TGFBR3: variants seen among roughly 807,000 people sequenced by gnomAD.
TGFBR3 encodes the protein transforming growth factor beta receptor 3.
TGFBR3 carries 46 observed loss-of-function variants against 87.9 expected under a neutral mutation model. The observed-to-expected ratio is 0.52, with a 90% CI of 0.41 to 0.67. The LOEUF (loss-of-function observed/expected upper bound fraction) is 0.67. TGFBR3 is among the 30% of genes least tolerant of loss of function. TGFBR3 has a pLI of 0.00. For synonymous variants in TGFBR3, 381 were observed against 391.6 expected, an observed-to-expected ratio of 0.97 and a Z score of 0.32; for missense variants, 866 against 1,041.9, an observed-to-expected ratio of 0.83 and a Z score of 2.32.
intron 10 of TGFBR3, 143 bp downstream of exon 10, chr1:91,719,169 T>C: frequency 9.1e-7 from 1 of 1,094,898 alleles, no homozygotes; most frequent in Non-Finnish European, 1.4e-6. Flanking sequence ...AGTACATCCA[T>C]TTTGTTGAGA....
intron 2 of TGFBR3, among the ~76,000 whole-genome samples, chr1:91,838,362 CTG>C (rs1182215609): frequency 2.0e-5 from 3 of 152,028 alleles, no homozygotes; most frequent in African/African-American, 7.2e-5. Flanking sequence ...CTATAATAAA[CTG>C]TAACATAAAC....
At chr1:91,693,017 G>C (rs1671318230) in intron 16 of TGFBR3, among the ~76,000 whole-genome samples, 1 of 152,190 alleles carries the variant, frequency 6.6e-6, no homozygotes. Flanking sequence ...GACTGAGTCA[G>C]TATTTGTATC....
At chr1:91,721,831 G>C in intron 8 of TGFBR3, 124 bp downstream of exon 8, 1 of 875,274 alleles carries the variant, frequency 1.1e-6, no homozygotes, top group Non-Finnish European at 1.7e-6. Context: ...CTGATAAAAA[G>C]TAGTCAAATT....
At chr1:91,875,801 A>G (rs1010045356) in intron 1 of TGFBR3, among the ~76,000 whole-genome samples, 197 of 5,780 alleles carry the variant, frequency 0.034, no homozygotes, top group Non-Finnish European at 0.051. Context: ...GGGGGGTGGG[A>G]GTGTGCAGCT....
intron 14 of TGFBR3, among the ~76,000 whole-genome samples, chr1:91,705,597 A>T (rs1362791460): frequency 6.6e-6 from 1 of 152,182 alleles, no homozygotes; most frequent in African/African-American, 2.4e-5. Context: ...AGTGGTCTGC[A>T]TTGAGGATAA....
intron 1 of TGFBR3, among the ~76,000 whole-genome samples, chr1:91,905,126 T>C (rs1004231599): frequency 3.9e-5 from 6 of 152,210 alleles, no homozygotes; most frequent in African/African-American, 1.4e-4. Context: ...TTGTAGCTAT[T>C]ATTAGTACAG....
intron 2 of TGFBR3, among the ~76,000 whole-genome samples, chr1:91,848,840 A>G (rs181636072): frequency 6.6e-6 from 1 of 152,336 alleles, no homozygotes; most frequent in African/African-American, 2.4e-5. Context: ...GGTTTAGGCT[A>G]TTAAGACGAT....
chr1:91,680,579 T>G lies in TGFBR3; in HGVS notation c.*3160A>C. On this transcript the variant is annotated 3_prime_UTR_variant, in exon 17 of 17. Transcript: ENST00000212355. ...TTCAGGAAAAACCAGAAGAGAGAAG[T>G]ATTGTATTTGGAAACTGATAATAGT... The G allele has an allele frequency of 2.2e-6, 1 of 453,880 alleles. No individual in the cohort carries two copies. The highest frequency in any genetic ancestry group is 4.4e-6 in the Non-Finnish European group (1 of 226,756). The allele number at this position is 453,880 out of a possible 1,614,324, so 28.1% of individuals were successfully genotyped here. A position where few individuals can be genotyped will look rare whatever the true frequency, so the allele number is the denominator to read the frequency against.
chr1:91,750,758 G>A (rs1673510965), intron 4 of TGFBR3, among the ~76,000 whole-genome samples: 1 of 152,200 alleles, frequency 6.6e-6, no homozygotes, highest in South Asian at 2.1e-4. Flanking sequence ...GAATACAGGG[G>A]TAATGCTTCT....
At chr1:91,898,479 G>A (rs1193300046) in intron 2 of TGFBR3, among the ~76,000 whole-genome samples, 1 of 151,764 alleles carries the variant, frequency 6.6e-6, no homozygotes, top group South Asian at 2.1e-4. Flanking sequence ...CTCTGTCACC[G>A]AGGCTGGAGT....
chr1:91,762,109 T>C (rs1673985997), intron 3 of TGFBR3, among the ~76,000 whole-genome samples: 2 of 152,246 alleles, frequency 1.3e-5, no homozygotes, highest in Middle Eastern at 3.4e-3. Flanking sequence ...ATGCAAGCTG[T>C]GAAGGCTGGT....
chr1:91,880,528 G>C (rs1329046716), intron 1 of TGFBR3, among the ~76,000 whole-genome samples: 33 of 152,208 alleles, frequency 2.2e-4, no homozygotes, highest in Non-Finnish European at 4.6e-4. Context: ...AACCAGGGAG[G>C]CGGAGCTTGC....
chr1:91,854,787 A>G (rs1677875128), intron 2 of TGFBR3, among the ~76,000 whole-genome samples: 1 of 152,170 alleles, frequency 6.6e-6, no homozygotes, highest in Non-Finnish European at 1.5e-5. Context: ...TTGTTGGTGC[A>G]GTTTGTCTGC....
chr1:91,682,960 C>A lies in TGFBR3; in HGVS notation c.*779G>T, dbSNP rs1313478384. On this transcript the variant is annotated 3_prime_UTR_variant, in exon 17 of 17. Transcript: ENST00000212355. Reference sequence around the variant, plus strand: ...CAAAATATTAGGAATGGGCACAAATCTGTGGTTCCTGATTTTGGTCATTTT... The same window carrying A: ...CAAAATATTAGGAATGGGCACAAATATGTGGTTCCTGATTTTGGTCATTTT... The A allele has an allele frequency of 1.3e-5, 6 of 454,318 alleles. No homozygotes were observed. The highest frequency in any genetic ancestry group is 1.2e-4 in the Admixed American group (5 of 42,548). 28.1% of individuals were successfully genotyped at this position (454,318 alleles called of 1,614,324 possible).
intron 5 of TGFBR3, among the ~76,000 whole-genome samples, chr1:91,732,918 A>G (rs1672827602): frequency 6.6e-6 from 1 of 152,180 alleles, no homozygotes; most frequent in Non-Finnish European, 1.5e-5. Flanking sequence ...AACATTCTAA[A>G]TGTTATTATA....
intron 4 of TGFBR3, among the ~76,000 whole-genome samples, chr1:91,750,755 G>C (rs1163906703): frequency 6.6e-6 from 1 of 152,216 alleles, no homozygotes; most frequent in Non-Finnish European, 1.5e-5. Context: ...CTGGAATACA[G>C]GGGTAATGCT....
intron 1 of TGFBR3, among the ~76,000 whole-genome samples, chr1:91,882,401 T>C (rs2101293748): frequency 6.6e-6 from 1 of 151,684 alleles, no homozygotes; most frequent in Admixed American, 6.5e-5. Context: ...CCTCCCAACA[T>C]GCTGGGATTA....
At chr1:91,717,470 G>C (rs1030736430) in intron 10 of TGFBR3, among the ~76,000 whole-genome samples, 1 of 152,066 alleles carries the variant, frequency 6.6e-6, no homozygotes, top group Non-Finnish European at 1.5e-5. Context: ...GACATAGGTT[G>C]AAATTATGAT....
At position 91,797,544 on chromosome 1, in the gene TGFBR3, C is replaced by G. The variant is rs1424926513; in HGVS notation, c.62-73G>C. 3.2e-6 allele frequency: 5 copies of G among 1,552,838 alleles called. No homozygotes were observed. In the Admixed American group the frequency reaches 8.4e-5, roughly 26 times the overall value. On this transcript the variant is annotated intron_variant, in intron 2 of 16. Transcript: ENST00000212355. The stretch of plus-strand genomic sequence containing the variant: ...TCTGCCCCAAAGGGGCAAGGGTGAT[C>G]AAACCACTGCCAACCCACCAGAGAT...
Sources: gnomAD v4.1 joint callset for allele counts (sites outside exome capture counted in the v4.1 genomes callset) on GRCh38, gnomAD v4.1.1 for gene constraint, MANE v1.5 for transcripts, NCBI Gene and HGNC (gene_info 2026-07-23, HGNC 2026-07-21) for gene names.